CTNND2: variants seen among roughly 807,000 people sequenced by gnomAD.
The protein encoded by CTNND2 is catenin delta-2.
Under a neutral mutation model 144.4 loss-of-function variants are expected in CTNND2, and 22 were observed. That is an observed-to-expected ratio of 0.15 (90% confidence interval 0.11 to 0.22). The LOEUF (loss-of-function observed/expected upper bound fraction) is 0.22. Among genes scored for constraint, CTNND2 ranks in the 10% least tolerant of loss-of-function variants. The probability of loss-of-function intolerance (pLI) is 1.00; values close to 1 mark genes in which losing one functional copy is unlikely to be tolerated. For missense variants in CTNND2, 1,353 were observed against 1,618.8 expected, an observed-to-expected ratio of 0.84 and a Z score of 2.82; for synonymous variants, 751 against 695.6, an observed-to-expected ratio of 1.08 and a Z score of -1.25.
chr5:11,139,246 C>T (rs10044129), intron 12 of CTNND2, among the ~76,000 whole-genome samples: 22,685 of 152,156 alleles, frequency 0.15, 3,859 homozygotes, highest in African/African-American at 0.42. Context: ...CAGGCATGAG[C>T]GACCACACCC....
intron 14 of CTNND2, among the ~76,000 whole-genome samples, chr5:11,107,258 T>C (rs1752516036): frequency 6.6e-6 from 1 of 152,242 alleles, no homozygotes; most frequent in Non-Finnish European, 1.5e-5. Flanking sequence ...ACTATGTAAA[T>C]GTATACCTAG....
intron 18 of CTNND2, among the ~76,000 whole-genome samples, chr5:10,994,849 G>A (rs1739171250): frequency 6.6e-6 from 1 of 152,172 alleles, no homozygotes; most frequent in Non-Finnish European, 1.5e-5. Context: ...GGCTTGAAGG[G>A]TGCTGGTGGT....
chr5:11,249,348 T>C (rs966982448), intron 9 of CTNND2, among the ~76,000 whole-genome samples: 9 of 152,182 alleles, frequency 5.9e-5, no homozygotes, highest in African/African-American at 2.2e-4. Flanking sequence ...TGGGAAACCA[T>C]GGGACATATC....
chr5:11,756,596 A>AT (rs763687053), intron 1 of CTNND2, among the ~76,000 whole-genome samples: 55 of 150,576 alleles, frequency 3.7e-4, no homozygotes, highest in Non-Finnish European at 6.4e-4. Context: ...AGGTACACAC[A>AT]TATACATAAA....
Position 11,044,541 on chromosome 5 carries a change from A to ATACATAT in CTNND2, c.2789-21563_2789-21562insATATGTA, listed in dbSNP as rs767336244. Among the ~76,000 whole-genome samples, 6 of 88,940 alleles carry ATACATAT rather than the reference A, an allele frequency of 6.7e-5. No homozygotes were observed. In the South Asian group the frequency reaches 1.8e-3, roughly 27 times the overall value. 58.3% of individuals were successfully genotyped at this position (88,940 alleles called of 152,430 possible). On this transcript the variant is annotated intron_variant, in intron 16 of 21. Coordinates refer to ENST00000304623, the MANE Select transcript of CTNND2 (RefSeq NM_001332.4). ...ACAACACATGCTTGCAAAAAAAAAA[A>ATACATAT]ATACATATATATATATATATATAAA...
At chr5:11,040,958 TCTC>T (rs1304368621) in intron 16 of CTNND2, among the ~76,000 whole-genome samples, 1 of 152,154 alleles carries the variant, frequency 6.6e-6, no homozygotes, top group African/African-American at 2.4e-5. Flanking sequence ...ACCCAAGAAC[TCTC>T]CTAAGATGAA....
chr5:11,051,373 T>C (rs1471046530), intron 16 of CTNND2, among the ~76,000 whole-genome samples: 1 of 152,220 alleles, frequency 6.6e-6, no homozygotes, highest in Non-Finnish European at 1.5e-5. Context: ...CACAGCTCCC[T>C]GGTTAATTTT....
intron 3 of CTNND2, among the ~76,000 whole-genome samples, chr5:11,563,250 G>A (rs1458220953): frequency 6.6e-6 from 1 of 152,144 alleles, no homozygotes; most frequent in Non-Finnish European, 1.5e-5. Flanking sequence ...AGAAATATCA[G>A]GAACATGAAC....
intron 11 of CTNND2, among the ~76,000 whole-genome samples, chr5:11,174,235 T>A (rs1219687248): frequency 1.3e-5 from 2 of 152,122 alleles, no homozygotes; most frequent in African/African-American, 4.8e-5. Context: ...GTGCATGAGT[T>A]GAGTGCTGCA....
intron 5 of CTNND2, among the ~76,000 whole-genome samples, chr5:11,410,207 T>G (rs1049110954): frequency 6.6e-6 from 1 of 152,146 alleles, no homozygotes; most frequent in Admixed American, 6.5e-5. Flanking sequence ...CGATTAGACA[T>G]TTTTCAATAC....
chr5:11,213,047 G>T (rs1054838150), intron 10 of CTNND2, among the ~76,000 whole-genome samples: 1 of 152,104 alleles, frequency 6.6e-6, no homozygotes, highest in African/African-American at 2.4e-5. Flanking sequence ...GCTATTCAAT[G>T]GTTTGACCAT....
At chr5:11,566,322 G>C (rs1215039852) in intron 2 of CTNND2, among the ~76,000 whole-genome samples, 1 of 152,018 alleles carries the variant, frequency 6.6e-6, no homozygotes, top group Non-Finnish European at 1.5e-5. Flanking sequence ...TATTCTGAAG[G>C]GCATCAAAGT....
chr5:11,534,620 G>A (rs576308315), intron 3 of CTNND2, among the ~76,000 whole-genome samples: 25 of 151,586 alleles, frequency 1.6e-4, no homozygotes, highest in African/African-American at 5.8e-4. Flanking sequence ...GAAAAAAAAA[G>A]AAAGAAAAGA....
chr5:11,814,112 T>C (rs1000696061), intron 1 of CTNND2, among the ~76,000 whole-genome samples: 3 of 152,270 alleles, frequency 2.0e-5, no homozygotes, highest in African/African-American at 7.2e-5. Context: ...ATGTATCTAT[T>C]ATTTCTAGCA....
chr5:11,068,316 T>C lies in CTNND2; in HGVS notation c.2788+14380A>G, dbSNP rs1440232223. On this transcript the variant is annotated intron_variant, in intron 16 of 21. Transcript: ENST00000304623. ...TAGGTGGCTCTGGGTCAGGCTCAGG[T>C]GATTCCACCGTGCATCCAACTTTAA... is the stretch of plus-strand genomic sequence containing the variant. 2.6e-5 allele frequency among the ~76,000 whole-genome samples: 4 copies of C among 152,170 alleles called. No individual in the cohort carries two copies. In the East Asian group the frequency reaches 7.7e-4, roughly 29 times the overall value.
At chr5:11,003,776 G>T (rs1740200327) in intron 18 of CTNND2, among the ~76,000 whole-genome samples, 1 of 152,160 alleles carries the variant, frequency 6.6e-6, no homozygotes, top group Admixed American at 6.6e-5. Flanking sequence ...AATTTTAAGG[G>T]CCAAAAGGGA....
chr5:11,001,166 A>C (rs2032458728), intron 18 of CTNND2, among the ~76,000 whole-genome samples: 1 of 152,174 alleles, frequency 6.6e-6, no homozygotes, highest in African/African-American at 2.4e-5. Flanking sequence ...CCCACCTTTG[A>C]TCAGGCAGCT....
At chr5:11,623,818 A>ATATATATATATATATG (rs1781002473) in intron 2 of CTNND2, among the ~76,000 whole-genome samples, 1 of 65,586 alleles carries the variant, frequency 1.5e-5, no homozygotes, top group African/African-American at 6.4e-5. Context: ...GTATATATAT[A>ATATATATATATATATG]TATATATATA....
At chr5:11,172,051 C>G (rs1013528570) in intron 11 of CTNND2, among the ~76,000 whole-genome samples, 2 of 152,148 alleles carry the variant, frequency 1.3e-5, no homozygotes, top group African/African-American at 4.8e-5. Flanking sequence ...TAATTAAAAA[C>G]AATGACAAAA....
Sources: allele counts gnomAD v4.1 joint callset (sites outside exome capture counted in the v4.1 genomes callset), GRCh38; gene constraint gnomAD v4.1.1; transcripts MANE v1.5; gene names NCBI Gene and HGNC (gene_info 2026-07-23, HGNC 2026-07-21).